The following FAM20A variants were observed in gnomAD, a reference collection of about 807,000 sequenced individuals.
The protein encoded by FAM20A is FAM20A golgi associated secretory pathway pseudokinase, also known as pseudokinase FAM20A.
Under a neutral mutation model 52.0 loss-of-function variants are expected in FAM20A, and 42 were observed. That is an observed-to-expected ratio of 0.81 (90% CI 0.63 to 1.04). The LOEUF (loss-of-function observed/expected upper bound fraction) is 1.04. Among genes scored for constraint, FAM20A ranks in the 50% least tolerant of loss-of-function variants. FAM20A has a pLI of 0.00. For missense variants in FAM20A, 742 were observed against 712.7 expected, an observed-to-expected ratio of 1.04 and a Z score of -0.47; for synonymous variants, 304 against 298.9, an observed-to-expected ratio of 1.02 and a Z score of -0.18.
Position 68,569,634 on chromosome 17 carries a change from C to T in FAM20A, c.405-13891G>A, listed in dbSNP as rs138316615. Among the ~76,000 whole-genome samples, 123 of 152,338 alleles carry T rather than the reference C, an allele frequency of 8.1e-4. 1 individual carries two copies. The East Asian group carries it at 0.023, about 29-fold the overall frequency. ...CCACATTTTAATTGCTAAGTAGCCACATGTAACTAGTGGCTACCCTTTTGC... is the reference window on the plus strand; with the variant it reads ...CCACATTTTAATTGCTAAGTAGCCATATGTAACTAGTGGCTACCCTTTTGC... On this transcript the variant is annotated intron_variant, in intron 1 of 10. Coordinates refer to ENST00000592554, the MANE Select transcript of FAM20A (RefSeq NM_017565.4).
intron 1 of FAM20A, among the ~76,000 whole-genome samples, chr17:68,583,430 GACC>G (rs1405795821): frequency 6.6e-6 from 1 of 152,068 alleles, no homozygotes; most frequent in Non-Finnish European, 1.5e-5. Context: ...CTCAACCTGT[GACC>G]ACCTCACTCT....
intron 1 of FAM20A, among the ~76,000 whole-genome samples, chr17:68,581,386 C>CTTTCTTTCTTTCTTTCTTTCTTTA (rs2087961268): frequency 6.9e-6 from 1 of 144,282 alleles, no homozygotes; most frequent in East Asian, 2.0e-4. Context: ...TTCTTTCTTT[C>CTTTCTTTCTTTCTTTCTTTCTTTA]TTTCTTTCTT....
intron 1 of FAM20A, among the ~76,000 whole-genome samples, chr17:68,578,251 G>A (rs2087830464): frequency 6.6e-6 from 1 of 152,168 alleles, no homozygotes; most frequent in Non-Finnish European, 1.5e-5. Context: ...CTATCATACA[G>A]GCATGGGCAT....
intron 1 of FAM20A, among the ~76,000 whole-genome samples, chr17:68,577,681 T>A (rs764268665): frequency 2.0e-5 from 3 of 152,192 alleles, no homozygotes; most frequent in Non-Finnish European, 4.4e-5. Context: ...TGAAAATTGC[T>A]CTGATGGATT....
intron 1 of FAM20A, among the ~76,000 whole-genome samples, chr17:68,592,162 A>G (rs1054741489): frequency 6.6e-6 from 1 of 152,214 alleles, no homozygotes; most frequent in Non-Finnish European, 1.5e-5. Context: ...GGATTTGATT[A>G]TGGAATTGAG....
At position 68,543,722 on chromosome 17, in the gene FAM20A, C is replaced by G; in HGVS notation, c.720-1G>C. ...TGGTGTCTCCTCATCTCGCTGCTGT[C>G]TGGAAGGAAGGAAGGAATCACGCCC... is the stretch of plus-strand genomic sequence containing the variant. On this transcript the variant is annotated splice_acceptor_variant, in intron 4 of 10. Transcript: ENST00000592554. LOFTEE classifies it high-confidence loss of function. 2.5e-6 allele frequency: 4 copies of G among 1,613,756 alleles called. No individual in the cohort carries two copies. The highest frequency in any genetic ancestry group is 3.4e-6 in the Non-Finnish European group (4 of 1,179,710).
At chr17:68,572,369 A>G (rs2087588176) in intron 1 of FAM20A, among the ~76,000 whole-genome samples, 2 of 152,158 alleles carry the variant, frequency 1.3e-5, no homozygotes, top group South Asian at 4.1e-4. Context: ...GCAATTCACA[A>G]TCCAGGCGTA....
chr17:68,584,252 G>A (rs1401736977), intron 1 of FAM20A, among the ~76,000 whole-genome samples: 5 of 152,052 alleles, frequency 3.3e-5, no homozygotes, highest in African/African-American at 7.2e-5. Context: ...AGGAGGTGGA[G>A]GTTGCAGTGA....
rs2088591971 is a variant in FAM20A at position 68,600,526 on chromosome 17, G to A, written c.141C>T (p.Thr47=). ...CCCGCGCCAGGGAGGAGGCGCGGCC[G>A]GTGCACGGGCACCCCCGCGGGCGCT... ...PRERPRGCPC[T]GRASSLARDS... is the part of the protein sequence containing the mutation. Residue 47 remains threonine (T), a synonymous_variant, in exon 1 of 11, where the codon ACC becomes ACT. Coordinates refer to ENST00000592554, the MANE Select transcript of FAM20A (RefSeq NM_017565.4). The surrounding 1 kb of genome is among the most constrained non-coding windows in gnomAD (Gnocchi z 6.2). 4 of 1,568,488 alleles carry A rather than the reference G, an allele frequency of 2.6e-6. No homozygotes were observed. The highest frequency in any genetic ancestry group is 1.4e-5 in the African/African-American group (1 of 73,830).
At chr17:68,599,622 C>G (rs1290727153) in intron 1 of FAM20A, among the ~76,000 whole-genome samples, 1 of 152,184 alleles carries the variant, frequency 6.6e-6, no homozygotes, top group Non-Finnish European at 1.5e-5. Flanking sequence ...CTAATACTTG[C>G]TGGATGGGCC....
chr17:68,536,469 C>G lies in FAM20A; in HGVS notation c.*1008G>C, dbSNP rs1252207513. 4.4e-6 allele frequency: 2 copies of G among 454,122 alleles called. No homozygotes were observed. Among genetic ancestry groups the G allele is most frequent in the Non-Finnish European group, 8.8e-6 (2 of 226,788 alleles). The allele number at this position is 454,122 out of a possible 1,614,324, so 28.1% of individuals were successfully genotyped here. On this transcript the variant is annotated 3_prime_UTR_variant, in exon 11 of 11. Coordinates refer to ENST00000592554, the MANE Select transcript of FAM20A (RefSeq NM_017565.4). The stretch of plus-strand genomic sequence containing the variant: ...TAGAGGAGACAAGGAATCCCTACTA[C>G]ACTTTCTTCTAAGGGAGGCTTCAAT...
At position 68,600,255 on chromosome 17, in the gene FAM20A, G is replaced by T. The variant is rs1376433592; in HGVS notation, c.404+8C>A. 1.3e-6 allele frequency: 2 copies of T among 1,558,690 alleles called. No homozygotes were observed. The highest frequency in any genetic ancestry group is 1.4e-5 in the African/African-American group (1 of 73,340). On this transcript the variant is annotated splice_region_variant and intron_variant, in intron 1 of 10. Coordinates refer to ENST00000592554, the MANE Select transcript of FAM20A (RefSeq NM_017565.4). The surrounding 1 kb of genome is among the most constrained non-coding windows in gnomAD (Gnocchi z 6.2). ...CCCGCTCTCCCGCGTCCCGGGCGGG[G>T]TCCTCACCTGTTCCAGCGGGCCACC... is the stretch of plus-strand genomic sequence containing the variant.
chr17:68,590,909 CT>C (rs2088286550), intron 1 of FAM20A, among the ~76,000 whole-genome samples: 1 of 140,958 alleles, frequency 7.1e-6, no homozygotes, highest in African/African-American at 2.7e-5. Flanking sequence ...CCTCTGAAGC[CT>C]GGCTGTATTC....
At chr17:68,549,109 A>T (rs1447757583) in intron 4 of FAM20A, among the ~76,000 whole-genome samples, 2 of 152,200 alleles carry the variant, frequency 1.3e-5, no homozygotes, top group Non-Finnish European at 2.9e-5. Flanking sequence ...CTGCAAAGGA[A>T]ATGCTACAGG....
chr17:68,548,161 A>C lies in FAM20A; in HGVS notation c.719+3712T>G, dbSNP rs564300418. Among the ~76,000 whole-genome samples, 3 of 152,306 alleles carry C rather than the reference A, an allele frequency of 2.0e-5. No homozygotes were observed. The East Asian group carries it at 5.8e-4, about 29-fold the overall frequency. On this transcript the variant is annotated intron_variant, in intron 4 of 10. Coordinates refer to ENST00000592554, the MANE Select transcript of FAM20A (RefSeq NM_017565.4). Reference sequence around the variant, plus strand: ...TGTAATCCTAGCACTTTGGAAGGCCAAGGTTGGCAATCACTTGAGGCCAGG... The same window carrying C: ...TGTAATCCTAGCACTTTGGAAGGCCCAGGTTGGCAATCACTTGAGGCCAGG...
At chr17:68,539,449 C>T in intron 9 of FAM20A, 53 bp from the exon 10 acceptor site, 1 of 1,488,850 alleles carries the variant, frequency 6.7e-7, no homozygotes, top group Non-Finnish European at 9.4e-7. Context: ...TTTGCATTCC[C>T]CTGAGGCTTC....
intron 1 of FAM20A, among the ~76,000 whole-genome samples, chr17:68,561,937 C>T (rs1450977425): frequency 6.6e-6 from 1 of 152,178 alleles, no homozygotes; most frequent in Non-Finnish European, 1.5e-5. Flanking sequence ...ATTCTCCTGC[C>T]TCAGCCTCCC....
chr17:68,598,558 ATCT>A (rs1210640306), intron 1 of FAM20A, among the ~76,000 whole-genome samples: 1 of 152,158 alleles, frequency 6.6e-6, no homozygotes, highest in African/African-American at 2.4e-5. Flanking sequence ...CCCCCACTTG[ATCT>A]TCTGTTAAAT....
At position 68,600,512 on chromosome 17, in the gene FAM20A, G is replaced by C. The variant is rs1248349930; in HGVS notation, c.155C>G (p.Ser52Cys). The stretch of plus-strand genomic sequence containing the variant: ...AGCTGCGGCCGAGTCCCGCGCCAGG[G>C]AGGAGGCGCGGCCGGTGCACGGGCA... Reference protein sequence around the residue: ...RGCPCTGRASSLARDSAAAAS... With the variant: ...RGCPCTGRASCLARDSAAAAS... Residue 52 changes from serine to cysteine, a missense_variant, in exon 1 of 11, where the codon TCC becomes TGC. Ser to Cys is a moderately radical substitution (Grantham distance 112). Transcript: ENST00000592554. The surrounding 1 kb of genome is among the most constrained non-coding windows in gnomAD (Gnocchi z 6.2). The C allele has an allele frequency of 6.3e-7, 1 of 1,580,426 alleles. No homozygotes were observed. Among genetic ancestry groups the C allele is most frequent in the Non-Finnish European group, 8.6e-7 (1 of 1,163,622 alleles).
Sources: gnomAD v4.1 joint callset for allele counts (sites outside exome capture counted in the v4.1 genomes callset) on GRCh38, gnomAD v4.1.1 for gene constraint, Gnocchi (gnomAD v3.1) non-coding constraint, MANE v1.5 for transcripts, NCBI Gene and HGNC (gene_info 2026-07-23, HGNC 2026-07-21) for gene names.